Variants in CFAP96 observed in about 807,000 individuals in gnomAD.
The protein encoded by CFAP96 is cilia and flagella associated protein 96.
chr4:185,440,142 T>C, the CFAP96 span, among the ~76,000 whole-genome samples: 1 of 151,974 alleles, frequency 6.6e-6, no homozygotes, highest in Admixed American at 6.6e-5. Flanking sequence ...GGAATAATAA[T>C]GTCCTCATTT....
chr4:185,441,963 C>T, the CFAP96 span, among the ~76,000 whole-genome samples: 1 of 151,930 alleles, frequency 6.6e-6, no homozygotes, highest in Admixed American at 6.6e-5. Flanking sequence ...TCAAGCTGTT[C>T]CCAATATGAC....
At chr4:185,446,195 T>G in the CFAP96 span, among the ~76,000 whole-genome samples, 1 of 152,232 alleles carries the variant, frequency 6.6e-6, no homozygotes, top group African/African-American at 2.4e-5. Context: ...AATGTATTTA[T>G]CAGCAGAACT....
At chr4:185,408,504 C>T in the CFAP96 span, 51 of 1,452,216 alleles carry the variant, frequency 3.5e-5, no homozygotes, top group Admixed American at 9.3e-5. Context: ...TATATGCTCC[C>T]GAATTATGTT....
At chr4:185,422,923 A>G in the CFAP96 span, among the ~76,000 whole-genome samples, 1 of 152,296 alleles carries the variant, frequency 6.6e-6, no homozygotes, top group Non-Finnish European at 1.5e-5. Context: ...CAGTGGCACA[A>G]TCTCAGCTCA....
the CFAP96 span, among the ~76,000 whole-genome samples, chr4:185,443,138 G>A: frequency 1.3e-4 from 19 of 151,612 alleles, no homozygotes; most frequent in East Asian, 1.6e-3. Flanking sequence ...ACAGTGAAGC[G>A]TTCTGAGCTT....
At chr4:185,433,289 G>A in the CFAP96 span, among the ~76,000 whole-genome samples, 1 of 151,838 alleles carries the variant, frequency 6.6e-6, no homozygotes, top group East Asian at 1.9e-4. Context: ...CAGCTACTCA[G>A]GAGGCTGAGG....
the CFAP96 span, among the ~76,000 whole-genome samples, chr4:185,443,342 A>ATATATATTTTTTTTTTTTTTTTTTT: frequency 3.7e-5 from 1 of 26,730 alleles, no homozygotes; most frequent in South Asian, 2.1e-3. Flanking sequence ...ATATATATAT[A>ATATATATTTTTTTTTTTTTTTTTTT]TTTTTTTTTT....
chr4:185,425,863 C>A, the CFAP96 span: 87 of 1,604,172 alleles, frequency 5.4e-5, no homozygotes, highest in Non-Finnish European at 7.0e-5. Context: ...CAGAGATACT[C>A]ACCATGTCCG....
chr4:185,425,832 A>T, the CFAP96 span: 9 of 1,599,674 alleles, frequency 5.6e-6, no homozygotes, highest in Non-Finnish European at 7.7e-6. Context: ...TCCGGGGAAA[A>T]ACACAGGGGT....
the CFAP96 span, among the ~76,000 whole-genome samples, chr4:185,428,597 A>G: frequency 6.7e-6 from 1 of 150,148 alleles, no homozygotes; most frequent in African/African-American, 2.4e-5. Flanking sequence ...AAAAAAAGAG[A>G]CTCTGTCTTA....
chr4:185,445,509 T>A, the CFAP96 span: 4 of 1,579,174 alleles, frequency 2.5e-6, no homozygotes, highest in Non-Finnish European at 2.6e-6. Flanking sequence ...ATCCTAATGA[T>A]GCTTGAGAGT....
At chr4:185,436,737 A>AATG in the CFAP96 span, among the ~76,000 whole-genome samples, 1 of 149,366 alleles carries the variant, frequency 6.7e-6, no homozygotes, top group African/African-American at 2.4e-5. Context: ...TAATAATAAT[A>AATG]ATAATAATTC....
the CFAP96 span, among the ~76,000 whole-genome samples, chr4:185,431,209 C>CAA: frequency 4.0e-3 from 358 of 88,558 alleles, 2 homozygotes; most frequent in African/African-American, 0.014. Flanking sequence ...GACTCCGTCT[C>CAA]AAAAAAAAAA....
At chr4:185,416,024 G>A in the CFAP96 span, 1 of 533,282 alleles carries the variant, frequency 1.9e-6, no homozygotes, top group Non-Finnish European at 3.1e-6. Context: ...AGAGAACAAG[G>A]AGTTCAATCT....
chr4:185,445,590 T>C, the CFAP96 span: 1 of 1,166,782 alleles, frequency 8.6e-7, no homozygotes, highest in Non-Finnish European at 1.2e-6. Context: ...CCAACATAAC[T>C]ATAATGCTTT....
the CFAP96 span, among the ~76,000 whole-genome samples, chr4:185,420,276 AT>A: frequency 6.6e-6 from 1 of 152,076 alleles, no homozygotes; most frequent in Non-Finnish European, 1.5e-5. Flanking sequence ...TTTTTAAAAA[AT>A]ATGTTTGAAT....
the CFAP96 span, among the ~76,000 whole-genome samples, chr4:185,411,901 G>C: frequency 6.6e-5 from 10 of 152,266 alleles, no homozygotes; most frequent in South Asian, 1.2e-3. Context: ...ATAAAACTCA[G>C]AACTATGCAA....
chr4:185,425,212 T>C, the CFAP96 span, among the ~76,000 whole-genome samples: 2 of 152,094 alleles, frequency 1.3e-5, no homozygotes, highest in Non-Finnish European at 2.9e-5. Context: ...CACAACAGGA[T>C]GTATGGTGGT....
the CFAP96 span, chr4:185,418,819 CATGA>C: frequency 7.0e-7 from 1 of 1,427,100 alleles, no homozygotes; most frequent in Non-Finnish European, 9.4e-7. Flanking sequence ...AATTTTTCAA[CATGA>C]ATGGTTCCAA....
Sources: gnomAD v4.1 joint callset for allele counts (sites outside exome capture counted in the v4.1 genomes callset) on GRCh38, gnomAD v4.1.1 for gene constraint, MANE v1.5 for transcripts, NCBI Gene and HGNC (gene_info 2026-07-23, HGNC 2026-07-21) for gene names.